Variants in VIL1 observed in about 807,000 individuals in gnomAD.
VIL1 encodes the protein villin-1.
Under a neutral mutation model 104.0 loss-of-function variants are expected in VIL1, and 86 were observed. That is an observed-to-expected ratio of 0.83 (90% CI 0.69 to 0.99). VIL1 has a LOEUF of 0.99. Ranked by LOEUF, VIL1 falls within the 50% of genes least tolerant of loss-of-function variation. The pLI, the probability that VIL1 is intolerant of heterozygous loss-of-function variation, is 0.00. For synonymous variants in VIL1, 394 were observed against 412.6 expected, an observed-to-expected ratio of 0.95 and a Z score of 0.55; for missense variants, 944 against 1,054.1, an observed-to-expected ratio of 0.90 and a Z score of 1.45.
At chr2:218,438,615 C>T (rs1220833202) in intron 17 of VIL1, 43 bp from the exon 18 acceptor site, 1 of 1,569,436 alleles carries the variant, frequency 6.4e-7, no homozygotes, top group African/African-American at 1.3e-5. Flanking sequence ...TCCATCTCCT[C>T]TGCTGAGATC....
At position 218,425,820 on chromosome 2, in the gene VIL1, G is replaced by C. The variant is rs1386591543; in HGVS notation, c.347+9G>C. 2 of 1,599,252 alleles carry C rather than the reference G, an allele frequency of 1.3e-6. No homozygotes were observed. The highest frequency in any genetic ancestry group is 3.4e-5 in the Admixed American group (2 of 59,022). ...TTCAAGCAAGGCCTTGTGTAGGGAG[G>C]GTGGGCTGCAGGCCGGGGGAATGAG... On this transcript the variant is annotated intron_variant, in intron 4 of 19. Coordinates refer to ENST00000248444, the MANE Select transcript of VIL1 (RefSeq NM_007127.3).
chr2:218,419,669 A>G (rs535734628), intron 1 of VIL1, among the ~76,000 whole-genome samples: 23 of 152,306 alleles, frequency 1.5e-4, no homozygotes, highest in African/African-American at 5.5e-4. Context: ...GCCACCAGCA[A>G]TTGAATGGGC....
rs1329353956 is a variant in VIL1 at position 218,423,855 on chromosome 2, T to C, written c.75+2T>C. ...GGGCTGCAGATATGGAGGATCGAGG[T>C]GAGGCCCTGTCTGGGCATGGGGGCT... is the stretch of plus-strand genomic sequence containing the variant. On this transcript the variant is annotated splice_donor_variant, in intron 2 of 19. Coordinates refer to ENST00000248444, the MANE Select transcript of VIL1 (RefSeq NM_007127.3). LOFTEE classifies it high-confidence loss of function. 1.9e-6 allele frequency: 3 copies of C among 1,614,076 alleles called. No individual in the cohort carries two copies. Among genetic ancestry groups the C allele is most frequent in the Non-Finnish European group, 2.5e-6 (3 of 1,179,984 alleles).
Position 218,449,549 on chromosome 2 carries a change from C to T in VIL1, c.*213C>T. 2.2e-6 allele frequency: 1 copy of T among 464,186 alleles called. No homozygotes were observed. Among genetic ancestry groups the T allele is most frequent in the Non-Finnish European group, 4.0e-6 (1 of 251,322 alleles). 28.8% of individuals were successfully genotyped at this position (464,186 alleles called of 1,614,324 possible). A position where few individuals can be genotyped will look rare whatever the true frequency, so the allele number is the denominator to read the frequency against. On this transcript the variant is annotated 3_prime_UTR_variant, in exon 20 of 20. Coordinates refer to ENST00000248444, the MANE Select transcript of VIL1 (RefSeq NM_007127.3). ...GAGCCTATGGTCCTCATTTCAACTT[C>T]TAAGGTCGCTAGATTGTTTCTATCC...
At position 218,429,477 on chromosome 2, in the gene VIL1, A is replaced by T; in HGVS notation, c.760A>T (p.Lys254Ter). 1.2e-6 allele frequency: 2 copies of T among 1,613,906 alleles called. No individual in the cohort carries two copies. Residue 254 changes from lysine (K) to a stop codon, truncating the protein, a stop_gained, in exon 7 of 20, where the codon AAA (lysine) becomes TAA (stop). Transcript: ENST00000248444. LOFTEE classifies it high-confidence loss of function. ...VVEPALKAAL[K>*]LYHVSDSEGN... ...GGAGCCGGCACTCAAGGCTGCACTC[A>T]AACTGTACCAGTGAGCGCCCAGCGG...
Position 218,420,122 on chromosome 2 carries a change from AG to A in VIL1, c.-12+957del, listed in dbSNP as rs1688874931. Among the ~76,000 whole-genome samples the A allele has an allele frequency of 2.0e-5, 3 of 152,168 alleles. No individual in the cohort carries two copies. The South Asian group carries it at 6.2e-4, about 32-fold the overall frequency. On this transcript the variant is annotated intron_variant, in intron 1 of 19. Coordinates refer to ENST00000248444, the MANE Select transcript of VIL1 (RefSeq NM_007127.3). ...AACAGAGCCGCAACTCAAGTACAACAGGGCTCAGATAAGAAAGGCATGGTGG... is the reference window on the plus strand; with the variant it reads ...AACAGAGCCGCAACTCAAGTACAACAGGCTCAGATAAGAAAGGCATGGTGG...
intron 6 of VIL1, among the ~76,000 whole-genome samples, 154 bp downstream of exon 6, chr2:218,428,491 T>C (rs1408503704): frequency 6.6e-6 from 1 of 152,180 alleles, no homozygotes; most frequent in Non-Finnish European, 1.5e-5. Context: ...TGTTGGAGTT[T>C]GCGTGTGTGT....
intron 17 of VIL1, 86 bp downstream of exon 17, chr2:218,437,398 A>G (rs1218163366): frequency 4.7e-6 from 7 of 1,485,300 alleles, no homozygotes; most frequent in Non-Finnish European, 5.5e-6. Flanking sequence ...TCTCTTTGGG[A>G]TATATGACCT....
chr2:218,425,748 A>C lies in VIL1; in HGVS notation c.284A>C (p.Gln95Pro). The C allele has an allele frequency of 6.2e-7, 1 of 1,614,190 alleles. No individual in the cohort carries two copies. The highest frequency in any genetic ancestry group is 8.5e-7 in the Non-Finnish European group (1 of 1,180,012). The change falls in exon 4 of 20, where the codon CAG (glutamine) becomes CCG (proline). Residue 95 changes from glutamine to proline, a missense_variant. Coordinates refer to ENST00000248444, the MANE Select transcript of VIL1 (RefSeq NM_007127.3). ...MDDFLKGRAV[Q>P]HREVQGNESE... is the part of the protein sequence containing the mutation. ...GACTTCCTGAAGGGCCGGGCTGTGC[A>C]GCACCGCGAGGTCCAGGGCAACGAG...
intron 4 of VIL1, among the ~76,000 whole-genome samples, chr2:218,426,808 T>C (rs1354108204): frequency 6.6e-6 from 1 of 151,432 alleles, no homozygotes; most frequent in Non-Finnish European, 1.5e-5. Flanking sequence ...TTCACCGTGT[T>C]AGCCAGGATG....
intron 4 of VIL1, among the ~76,000 whole-genome samples, chr2:218,426,640 C>T (rs188544328): frequency 3.9e-4 from 59 of 149,668 alleles, no homozygotes; most frequent in Admixed American, 1.6e-3. Flanking sequence ...CTTGTTCTGC[C>T]GCCCAGGCTG....
At chr2:218,441,313 C>CA (rs112021681) in intron 19 of VIL1, among the ~76,000 whole-genome samples, 3,702 of 151,618 alleles carry the variant, frequency 0.024, 151 homozygotes, top group African/African-American at 0.085. Flanking sequence ...TGCTTGAACC[C>CA]GGGAGGTGGA....
chr2:218,438,655 C>T lies in VIL1; in HGVS notation c.2161-3C>T. On this transcript the variant is annotated splice_region_variant and splice_polypyrimidine_tract_variant and intron_variant, in intron 17 of 19. Transcript: ENST00000248444. Reference sequence around the variant, plus strand: ...TCTAATCTGTTATTTACTTTATGTGCAGAACACCAAATCCTATGAGGACCT... The same window carrying T: ...TCTAATCTGTTATTTACTTTATGTGTAGAACACCAAATCCTATGAGGACCT... The T allele has an allele frequency of 1.2e-6, 2 of 1,610,910 alleles. No homozygotes were observed. Among genetic ancestry groups the T allele is most frequent in the Non-Finnish European group, 1.7e-6 (2 of 1,178,972 alleles).
At chr2:218,436,398 G>T (rs1196315093) in intron 15 of VIL1, 84 bp from the exon 16 acceptor site, 1 of 1,529,506 alleles carries the variant, frequency 6.5e-7, no homozygotes. Flanking sequence ...CTATGCCAGA[G>T]TCCCTTCCTC....
chr2:218,434,848 C>G (rs117333444), intron 14 of VIL1, 143 bp downstream of exon 14: 2 of 818,122 alleles, frequency 2.4e-6, no homozygotes, highest in East Asian at 2.7e-5. Flanking sequence ...GGAGCCCAGT[C>G]TCTCCCTCCT....
Position 218,429,955 on chromosome 2 carries a change from TGGGGGCGGGGGA to T in VIL1, c.948+12_948+23del. 1 of 577,658 alleles carries T rather than the reference TGGGGGCGGGGGA, an allele frequency of 1.7e-6. No homozygotes were observed. The highest frequency in any genetic ancestry group is 2.5e-6 in the Non-Finnish European group (1 of 394,712). The allele number at this position is 577,658 out of a possible 1,614,324, so 35.8% of individuals were successfully genotyped here. On this transcript the variant is annotated intron_variant, in intron 9 of 19. Coordinates refer to ENST00000248444, the MANE Select transcript of VIL1 (RefSeq NM_007127.3). The stretch of plus-strand genomic sequence containing the variant: ...GCCATGAGCCATGCGCTGGTAGTGG[TGGGGGCGGGGGA>T]GGGTCCAGGAGGAGGGCAGAGTGAT...
At chr2:218,435,232 G>A in intron 14 of VIL1, 57 bp from the exon 15 acceptor site, 1 of 1,589,236 alleles carries the variant, frequency 6.3e-7, no homozygotes, top group Non-Finnish European at 8.6e-7. Flanking sequence ...AGTGAATGTA[G>A]TAGGAGGGTG....
At chr2:218,433,473 C>G (rs1377369458) in intron 13 of VIL1, among the ~76,000 whole-genome samples, 3 of 151,826 alleles carry the variant, frequency 2.0e-5, no homozygotes, top group African/African-American at 7.3e-5. Flanking sequence ...TGCGGTGGCT[C>G]TCACCTGTAA....
In VIL1 at chr2:218,430,251, G is replaced by A. The variant is rs909375028; in HGVS notation, c.948+304G>A. On this transcript the variant is annotated intron_variant, in intron 9 of 19. Coordinates refer to ENST00000248444, the MANE Select transcript of VIL1 (RefSeq NM_007127.3). The stretch of plus-strand genomic sequence containing the variant: ...CCTGAGCTGAGTTTGGAGAAGGGAA[G>A]GAGAAATGGAGGGAGGCTGGCTTCC... 3.3e-5 allele frequency among the ~76,000 whole-genome samples: 5 copies of A among 152,202 alleles called. No individual in the cohort carries two copies. The South Asian group carries it at 1.0e-3, about 31-fold the overall frequency.
Sources: gnomAD v4.1 joint callset for allele counts (sites outside exome capture counted in the v4.1 genomes callset) on GRCh38, gnomAD v4.1.1 for gene constraint, MANE v1.5 for transcripts, NCBI Gene and HGNC (gene_info 2026-07-23, HGNC 2026-07-21) for gene names.